ZMYND19: variants seen among roughly 807,000 people sequenced by gnomAD.
ZMYND19 encodes the protein zinc finger MYND domain-containing protein 19.
Under a neutral mutation model 32.0 loss-of-function variants are expected in ZMYND19, and 17 were observed. That is an observed-to-expected ratio of 0.53 (90% CI 0.36 to 0.80). ZMYND19 has a LOEUF of 0.80. Among genes scored for constraint, ZMYND19 ranks in the 30% least tolerant of loss-of-function variants. The pLI is 0.00. For missense variants in ZMYND19, 250 were observed against 293.6 expected, an observed-to-expected ratio of 0.85 and a Z score of 1.09; for synonymous variants, 124 against 113.6, an observed-to-expected ratio of 1.09 and a Z score of -0.58.
intron 2 of ZMYND19, among the ~76,000 whole-genome samples, chr9:137,588,264 G>A (rs1191965515): frequency 2.0e-5 from 3 of 152,204 alleles, no homozygotes; most frequent in African/African-American, 7.2e-5. Flanking sequence ...GGAGGCAGCT[G>A]GGCAGCCAGG....
intron 1 of ZMYND19, chr9:137,588,928 G>C (rs1842238298): frequency 5.3e-6 from 3 of 562,106 alleles, no homozygotes; most frequent in Non-Finnish European, 9.5e-6. Flanking sequence ...AGGCAGACAG[G>C]TTAAAAGCCA....
At chr9:137,589,476 C>T (rs1039356427) in intron 1 of ZMYND19, 2 of 985,350 alleles carry the variant, frequency 2.0e-6, no homozygotes, top group African/African-American at 1.7e-5. Context: ...GGGAACAGGG[C>T]TCCCATCCGG....
At position 137,586,977 on chromosome 9, in the gene ZMYND19, T is replaced by G; in HGVS notation, c.349A>C (p.Ser117Arg). ...CCTGAGAAGACCCACCTCTGCTTGCTGGAGGTCTCTTCAGCCTTGGGCCGC... is the reference window on the plus strand; with the variant it reads ...CCTGAGAAGACCCACCTCTGCTTGCGGGAGGTCTCTTCAGCCTTGGGCCGC... ...GWRPKAEETSSKQREQSLYWL... is the reference protein window; with the variant it reads ...GWRPKAEETSRKQREQSLYWL... Residue 117 changes from serine (S) to arginine (R), a missense_variant, in exon 4 of 6, where the codon AGC becomes CGC. This residue lies in a region of ZMYND19 where 212 missense variants were observed against 218.8 expected (regional missense o/e 0.97). Transcript: ENST00000298585. 1 of 1,612,314 alleles carries G rather than the reference T, an allele frequency of 6.2e-7. No homozygotes were observed.
At chr9:137,588,891 G>A (rs942761383) in intron 1 of ZMYND19, 173 bp from the exon 2 acceptor site, 5 of 670,364 alleles carry the variant, frequency 7.5e-6, no homozygotes, top group South Asian at 1.8e-5. Context: ...TCCACCGTTT[G>A]GGGTGGTGCA....
At position 137,585,283 on chromosome 9, in the gene ZMYND19, C is replaced by T. The variant is rs542373973; in HGVS notation, c.359+1684G>A. On this transcript the variant is annotated intron_variant, in intron 4 of 5. Transcript: ENST00000298585. ...ACTAAAAATACAAAAATTAGCCAGGCGTGGTGGTGGGCACCTGTAACCCCA... is the reference window on the plus strand; with the variant it reads ...ACTAAAAATACAAAAATTAGCCAGGTGTGGTGGTGGGCACCTGTAACCCCA... 3.3e-5 allele frequency among the ~76,000 whole-genome samples: 5 copies of T among 152,158 alleles called. No homozygotes were observed. The East Asian group carries it at 5.8e-4, about 18-fold the overall frequency.
At chr9:137,588,617 T>A in intron 2 of ZMYND19, 42 bp downstream of exon 2, 1 of 1,611,600 alleles carries the variant, frequency 6.2e-7, no homozygotes, top group African/African-American at 1.3e-5. Context: ...TCCTGGGCAC[T>A]GACCACGAGC....
In ZMYND19 at chr9:137,586,820, TG is replaced by T; in HGVS notation, c.359+146del. On this transcript the variant is annotated intron_variant, in intron 4 of 5. Transcript: ENST00000298585. Reference sequence around the variant, plus strand: ...TGAAGAAAAGGAGGATTCCACGCTTTGGGGAAAAACAATGAAATTCCCAAAA... The same window carrying T: ...TGAAGAAAAGGAGGATTCCACGCTTTGGGAAAAACAATGAAATTCCCAAAA... 4.5e-6 allele frequency: 5 copies of T among 1,121,768 alleles called. No individual in the cohort carries two copies. The African/African-American group carries it at 6.3e-5, about 14-fold the overall frequency. The allele number at this position is 1,121,768 out of a possible 1,614,324, so 69.5% of individuals were successfully genotyped here. A position where few individuals can be genotyped will look rare whatever the true frequency, so the allele number is the denominator to read the frequency against.
Position 137,582,372 on chromosome 9 carries a change from A to G in ZMYND19, c.*171T>C. ...TCCGTTGTCTCTGCTGGAGATGAAC[A>G]CTGAGGGGCGCTGTAACCACACAGA... On this transcript the variant is annotated 3_prime_UTR_variant, in exon 6 of 6. Transcript: ENST00000298585. The G allele has an allele frequency of 1.2e-6, 1 of 858,842 alleles. No homozygotes were observed. The highest frequency in any genetic ancestry group is 1.7e-6 in the Non-Finnish European group (1 of 575,362). The allele number at this position is 858,842 out of a possible 1,614,324, so 53.2% of individuals were successfully genotyped here.
At chr9:137,587,171 T>C in intron 3 of ZMYND19, 64 bp from the exon 4 acceptor site, 1 of 1,573,400 alleles carries the variant, frequency 6.4e-7, no homozygotes. Flanking sequence ...TCACAGACAT[T>C]TCTGGTCAGG....
At chr9:137,584,302 C>A (rs1391453201) in intron 4 of ZMYND19, among the ~76,000 whole-genome samples, 8 of 152,260 alleles carry the variant, frequency 5.3e-5, no homozygotes. Flanking sequence ...AAGGCAGCAG[C>A]CCCAGCGCAA....
chr9:137,586,239 G>C (rs1842202492), intron 4 of ZMYND19, among the ~76,000 whole-genome samples: 1 of 152,130 alleles, frequency 6.6e-6, no homozygotes, highest in South Asian at 2.1e-4. Context: ...AGACCCATCT[G>C]TGTGCACAGA....
At chr9:137,588,899 G>T in intron 1 of ZMYND19, 181 bp from the exon 2 acceptor site, 1 of 639,048 alleles carries the variant, frequency 1.6e-6, no homozygotes, top group African/African-American at 1.8e-5. Context: ...TTGGGGTGGT[G>T]CAGTCTACGA....
At position 137,587,815 on chromosome 9, in the gene ZMYND19, C is replaced by T; in HGVS notation, c.120G>A (p.Met40Ile). The change falls in exon 3 of 6, where the codon ATG becomes ATA. Residue 40 changes from methionine to isoleucine, a missense_variant. Physicochemically the swap from Met to Ile is conservative, Grantham distance 10. Around this residue, in one of 2 missense-constraint regions of ZMYND19, gnomAD observed 212 missense variants for 218.8 expected, o/e 0.97. Transcript: ENST00000298585. ...CACCATTTCCATCTGCATCCACTTC[C>T]ATTCGGGCCTGAGAAGGAACAAGGG... ...LVESYSFEAR[M>I]EVDADGNGAK... 6.2e-7 allele frequency: 1 copy of T among 1,614,108 alleles called. No homozygotes were observed. Among genetic ancestry groups the T allele is most frequent in the South Asian group, 1.1e-5 (1 of 91,092 alleles).
At chr9:137,589,977 G>GGCCGAGGGTGGCCAGGTGCACCCCAGA in intron 1 of ZMYND19, 7 of 985,314 alleles carry the variant, frequency 7.1e-6, no homozygotes, top group Non-Finnish European at 8.4e-6. Context: ...GGCAGGGCAG[G>GGCCGAGGGTGGCCAGGTGCACCCCAGA]GCCGAGGGTG....
chr9:137,586,319 G>A (rs1052010004), intron 4 of ZMYND19, among the ~76,000 whole-genome samples: 2 of 150,652 alleles, frequency 1.3e-5, no homozygotes, highest in East Asian at 1.9e-4. Flanking sequence ...ATCCTGAGGT[G>A]AGCAGAGAAG....
Position 137,583,080 on chromosome 9 carries a change from C to T in ZMYND19, c.443G>A (p.Arg148Gln). Residue 148 changes from arginine to glutamine, a missense_variant, in exon 5 of 6, where the codon CGG (arginine) becomes CAG (glutamine). Transcript: ENST00000298585. ...TACATCCCCGTTGGCATTATAATAC[C>T]GGGTCACATTTAGGACAGGAAACTG... Reference protein sequence around the residue: ...EEQFPVLNVTRYYNANGDVVE... With the variant: ...EEQFPVLNVTQYYNANGDVVE... The T allele has an allele frequency of 6.8e-6, 11 of 1,614,166 alleles. No individual in the cohort carries two copies. The highest frequency in any genetic ancestry group is 9.3e-6 in the Non-Finnish European group (11 of 1,180,012).
chr9:137,587,640 GC>G, intron 3 of ZMYND19, 76 bp downstream of exon 3: 1 of 1,323,318 alleles, frequency 7.6e-7, no homozygotes, highest in South Asian at 1.2e-5. Context: ...GGGGCAGGGG[GC>G]TCCAGGCGCC....
At chr9:137,588,794 G>A (rs774577083) in intron 1 of ZMYND19, 76 bp from the exon 2 acceptor site, 41 of 1,552,682 alleles carry the variant, frequency 2.6e-5, no homozygotes, top group African/African-American at 1.2e-4. Flanking sequence ...AACCAGAACA[G>A]GCAGGAGCCT....
chr9:137,587,272 G>T, intron 3 of ZMYND19, 165 bp from the exon 4 acceptor site: 2 of 1,172,444 alleles, frequency 1.7e-6, no homozygotes, highest in Non-Finnish European at 1.2e-6. Flanking sequence ...GGAAGCTGCT[G>T]AGAGAAACCC....
Sources: gnomAD v4.1 joint callset for allele counts (sites outside exome capture counted in the v4.1 genomes callset) on GRCh38, gnomAD v4.1.1 for gene constraint, gnomAD v4.1.1 regional missense constraint, MANE v1.5 for transcripts, NCBI Gene and HGNC (gene_info 2026-07-23, HGNC 2026-07-21) for gene names.